Variants in NCOR1 observed in about 807,000 individuals in gnomAD.
NCOR1 encodes protein phosphatase 1, regulatory subunit 109.
In NCOR1, 63 loss-of-function variants were observed where a neutral mutation model predicts 288.1. That is an observed-to-expected ratio of 0.22 (90% CI 0.18 to 0.27). NCOR1 has a LOEUF of 0.27. Ranked by LOEUF, NCOR1 falls within the 10% of genes least tolerant of loss-of-function variation. NCOR1 has a pLI of 1.00. For synonymous variants in NCOR1, 1,007 were observed against 1,065.9 expected (o/e 0.94, Z 1.08); for missense variants, 2,397 against 3,019.2 (o/e 0.79, Z 4.83).
chr17:16,142,814 T>C (rs1247878522), intron 11 of NCOR1, among the ~76,000 whole-genome samples: 1 of 152,216 alleles, frequency 6.6e-6, no homozygotes. Context: ...AAGATATATT[T>C]GTCAAACATA....
chr17:16,073,335 A>C, intron 28 of NCOR1, 94 bp downstream of exon 28: 1 of 1,145,276 alleles, frequency 8.7e-7, no homozygotes, highest in Non-Finnish European at 1.2e-6. Context: ...TTCAGGTGGA[A>C]ATGACAGAAA....
chr17:16,135,686 G>T (rs901847170), intron 14 of NCOR1, among the ~76,000 whole-genome samples: 2 of 152,216 alleles, frequency 1.3e-5, no homozygotes, highest in South Asian at 4.2e-4. Flanking sequence ...TGAAACACTC[G>T]CTATACTTTT....
At chr17:16,116,449 C>T (rs2071605693) in intron 18 of NCOR1, among the ~76,000 whole-genome samples, 1 of 152,154 alleles carries the variant, frequency 6.6e-6, no homozygotes, top group African/African-American at 2.4e-5. Context: ...GTTAGAGAAA[C>T]ATATTTTCCA....
Position 16,061,451 on chromosome 17 carries a change from T to C in NCOR1, c.5831A>G (p.Asp1944Gly). The C allele has an allele frequency of 6.2e-7, 1 of 1,614,254 alleles. No homozygotes were observed. The highest frequency in any genetic ancestry group is 8.5e-7 in the Non-Finnish European group (1 of 1,180,050). The change falls in exon 37 of 46, where the codon GAC (aspartate) becomes GGC (glycine). Residue 1944 changes from aspartate (D) to glycine (G), a missense_variant. By Grantham distance (94) the Asp-to-Gly change is moderately conservative. Coordinates refer to ENST00000268712, the MANE Select transcript of NCOR1 (RefSeq NM_006311.4). ...DVIITRQIAS[D>G]KDARERGSQS... ...AGAGCCACGTTCCCTCGCATCCTTG[T>C]CCGAGGCAATTTGCCGGGTGATGAT...
chr17:16,040,508 A>G lies in NCOR1; in HGVS notation c.6680-14T>C. 1 of 1,611,540 alleles carries G rather than the reference A, an allele frequency of 6.2e-7. No individual in the cohort carries two copies. The highest frequency in any genetic ancestry group is 8.5e-7 in the Non-Finnish European group (1 of 1,178,370). On this transcript the variant is annotated splice_polypyrimidine_tract_variant and intron_variant, in intron 42 of 45. Transcript: ENST00000268712. ...GCTGAGCAGCTGCTATATTTAAGCAAACATTCAAGTTAATTAAGATGTGAT... is the reference window on the plus strand; with the variant it reads ...GCTGAGCAGCTGCTATATTTAAGCAGACATTCAAGTTAATTAAGATGTGAT...
intron 19 of NCOR1, 101 bp from the exon 20 acceptor site, chr17:16,101,858 G>A (rs1464998810): frequency 4.2e-6 from 6 of 1,422,412 alleles, no homozygotes; most frequent in South Asian, 4.1e-5. Flanking sequence ...GTTTCAGGTG[G>A]TGATAGAAAC....
intron 27 of NCOR1, 80 bp downstream of exon 27, chr17:16,075,454 G>A: frequency 6.8e-7 from 1 of 1,466,378 alleles, no homozygotes; most frequent in Non-Finnish European, 9.4e-7. Context: ...CTCCCAGAGA[G>A]CAGAAATGCG....
intron 5 of NCOR1, among the ~76,000 whole-genome samples, chr17:16,160,764 C>A (rs767161365): frequency 7.9e-5 from 12 of 152,104 alleles, no homozygotes; most frequent in Non-Finnish European, 1.3e-4. Context: ...TGCACTCCAG[C>A]CTGGGCGACA....
At chr17:16,052,297 T>G (rs1376776776) in intron 40 of NCOR1, among the ~76,000 whole-genome samples, 1 of 152,100 alleles carries the variant, frequency 6.6e-6, no homozygotes, top group Non-Finnish European at 1.5e-5. Context: ...GTGCTGGGAT[T>G]AGAGGCATGA....
At chr17:16,127,142 T>C (rs2074231741) in intron 14 of NCOR1, among the ~76,000 whole-genome samples, 1 of 133,812 alleles carries the variant, frequency 7.5e-6, no homozygotes, top group Non-Finnish European at 1.5e-5. Context: ...TATATACATG[T>C]ATGTATATAT....
At chr17:16,178,498 C>CAAAAAAAAAAAAAAAAAAAAA (rs564320622) in intron 3 of NCOR1, among the ~76,000 whole-genome samples, 1 of 32,790 alleles carries the variant, frequency 3.0e-5, no homozygotes, top group Non-Finnish European at 6.5e-5. Context: ...GACTCCGTCT[C>CAAAAAAAAAAAAAAAAAAAAA]AAAAAAAAAA....
Position 16,101,145 on chromosome 17 carries a change from G to A in NCOR1, c.2690+105C>T, listed in dbSNP as rs370314561. 2.1e-5 allele frequency: 24 copies of A among 1,147,654 alleles called. No homozygotes were observed. In the Admixed American group the frequency reaches 2.8e-4, roughly 13 times the overall value. The allele number at this position is 1,147,654 out of a possible 1,614,324, so 71.1% of individuals were successfully genotyped here. On this transcript the variant is annotated intron_variant, in intron 20 of 45. Transcript: ENST00000268712. ...TAAAATTGTACAGACTACCTATAAC[G>A]TGCCAATATTTACATAGGAGACATG...
chr17:16,125,317 T>C (rs568727683), intron 15 of NCOR1, among the ~76,000 whole-genome samples: 1 of 152,188 alleles, frequency 6.6e-6, no homozygotes, highest in South Asian at 2.1e-4. Flanking sequence ...GAGCCAAGAT[T>C]GCGCCACTGC....
intron 1 of NCOR1, among the ~76,000 whole-genome samples, chr17:16,209,768 A>G (rs930496293): frequency 6.6e-6 from 1 of 151,968 alleles, no homozygotes; most frequent in African/African-American, 2.4e-5. Context: ...CCTGGCCAAC[A>G]TGGCGAAACT....
At chr17:16,159,886 T>A (rs1476040534) in intron 5 of NCOR1, among the ~76,000 whole-genome samples, 2 of 151,556 alleles carry the variant, frequency 1.3e-5, no homozygotes, top group African/African-American at 2.4e-5. Context: ...TCACCAAGGC[T>A]GGAGTGCAAT....
intron 5 of NCOR1, chr17:16,164,734 G>GA (rs1007996110): frequency 0.017 from 4,260 of 246,240 alleles, no homozygotes; most frequent in Non-Finnish European, 0.022. Context: ...GTATGGAATA[G>GA]AAAAAAAAAA....
At chr17:16,171,041 T>C (rs2083057108) in intron 4 of NCOR1, among the ~76,000 whole-genome samples, 3 of 152,042 alleles carry the variant, frequency 2.0e-5, no homozygotes, top group African/African-American at 7.2e-5. Context: ...TAGCTAATAA[T>C]ATGTATTATA....
intron 1 of NCOR1, among the ~76,000 whole-genome samples, chr17:16,199,334 GACC>G (rs1244919522): frequency 6.6e-6 from 1 of 151,874 alleles, no homozygotes; most frequent in Non-Finnish European, 1.5e-5. Context: ...GCAGCCTGGA[GACC>G]ACGACAACCT....
intron 23 of NCOR1, chr17:16,083,945 G>A (rs868591455): frequency 2.6e-5 from 4 of 151,998 alleles, no homozygotes; most frequent in African/African-American, 9.7e-5. Flanking sequence ...GAAAAAAAAA[G>A]AGAAGAGAAG....
Sources: allele counts gnomAD v4.1 joint callset (sites outside exome capture counted in the v4.1 genomes callset), GRCh38; gene constraint gnomAD v4.1.1; transcripts MANE v1.5; gene names NCBI Gene and HGNC (gene_info 2026-07-23, HGNC 2026-07-21).